Variants in RALGDS observed in about 807,000 individuals in gnomAD.
RALGDS encodes ral guanine nucleotide dissociation stimulator.
A neutral mutation model predicts 99.8 loss-of-function variants in RALGDS; 44 were observed. The observed-to-expected ratio is 0.44, with a 90% CI of 0.35 to 0.57. RALGDS has a LOEUF of 0.57. RALGDS is among the 20% of genes least tolerant of loss of function. RALGDS has a pLI of 0.01. For missense variants in RALGDS, 1,022 were observed against 1,203.1 expected (o/e 0.85, Z 2.23); for synonymous variants, 529 against 505.0 (o/e 1.05, Z -0.64).
chr9:133,109,945 T>G (rs1270938777), intron 3 of RALGDS, among the ~76,000 whole-genome samples: 2 of 152,174 alleles, frequency 1.3e-5, no homozygotes, highest in African/African-American at 4.8e-5. Flanking sequence ...AGCCCCCAGA[T>G]AGAATCCGGA....
chr9:133,139,242 T>C (rs1832478162), intron 1 of RALGDS, among the ~76,000 whole-genome samples: 1 of 152,190 alleles, frequency 6.6e-6, no homozygotes, highest in African/African-American at 2.4e-5. Context: ...AGGCCCTGGA[T>C]ACACACCCTG....
chr9:133,109,766 C>T (rs373748032), intron 3 of RALGDS, 45 bp from the exon 4 acceptor site: 137 of 1,546,804 alleles, frequency 8.9e-5, no homozygotes, highest in African/African-American at 1.4e-4. Context: ...CCGACTAGAA[C>T]GGAGGCCCAG....
At position 133,117,467 on chromosome 9, in the gene RALGDS, C is replaced by T. The variant is rs372732211; in HGVS notation, c.183+3505G>A. Among the ~76,000 whole-genome samples the T allele has an allele frequency of 4.8e-4, 73 of 152,366 alleles. No individual in the cohort carries two copies. The South Asian group carries it at 0.013, about 28-fold the overall frequency. On this transcript the variant is annotated intron_variant, in intron 1 of 17. Transcript: ENST00000372050. Reference sequence around the variant, plus strand: ...ATGCAAGCTTCCCCATGGAGGAAAACGCCAAAACCCTCCAACGCAGGTGTC... The same window carrying T: ...ATGCAAGCTTCCCCATGGAGGAAAATGCCAAAACCCTCCAACGCAGGTGTC...
chr9:133,119,586 G>A (rs866439390), intron 1 of RALGDS, among the ~76,000 whole-genome samples: 1 of 152,078 alleles, frequency 6.6e-6, no homozygotes, highest in African/African-American at 2.4e-5. Context: ...CACTGTGAGC[G>A]CTCCGCCGGA....
chr9:133,098,134 A>C lies in RALGDS; in HGVS notation c.*453T>G, dbSNP rs1374421155. ...TTTGGTGCAGCCTGAGAAAGGCTAG[A>C]GTGGTGGGAGGGGCCGGGACCCCTG... On this transcript the variant is annotated 3_prime_UTR_variant, in exon 18 of 18. Coordinates refer to ENST00000372050, the MANE Select transcript of RALGDS (RefSeq NM_006266.4). The C allele has an allele frequency of 2.8e-5, 8 of 288,600 alleles. No individual in the cohort carries two copies. The highest frequency in any genetic ancestry group is 5.3e-5 in the Non-Finnish European group (8 of 150,448). 17.9% of individuals were successfully genotyped at this position (288,600 alleles called of 1,614,324 possible). A position where few individuals can be genotyped will look rare whatever the true frequency, so the allele number is the denominator to read the frequency against.
upstream of RALGDS, among the ~76,000 whole-genome samples, chr9:133,131,760 T>C (rs980817454): frequency 1.3e-5 from 2 of 152,086 alleles, no homozygotes; most frequent in African/African-American, 4.8e-5. Context: ...AGGCTGTGAA[T>C]TGGTCAGCCC....
intron 4 of RALGDS, among the ~76,000 whole-genome samples, 155 bp downstream of exon 4, chr9:133,109,471 C>T (rs997784306): frequency 1.3e-5 from 2 of 152,196 alleles, no homozygotes; most frequent in Non-Finnish European, 2.9e-5. Context: ...TTCCTGCAGG[C>T]GAAGCCCCCA....
At chr9:133,106,043 G>C (rs1564232552) in intron 8 of RALGDS, 27 bp from the exon 9 acceptor site, 1 of 1,574,848 alleles carries the variant, frequency 6.3e-7, no homozygotes, top group Non-Finnish European at 8.7e-7. Flanking sequence ...GAAGGAAAGA[G>C]AAAGCTGGGA....
upstream of RALGDS, among the ~76,000 whole-genome samples, chr9:133,131,588 T>G (rs1832335225): frequency 6.6e-6 from 1 of 151,850 alleles, no homozygotes; most frequent in African/African-American, 2.4e-5. Flanking sequence ...AGCAACACCA[T>G]CCCTGCCCCA....
chr9:133,123,951 C>T (rs1832051490), upstream of RALGDS, among the ~76,000 whole-genome samples: 2 of 85,560 alleles, frequency 2.3e-5, 1 homozygote, highest in South Asian at 5.9e-4. Context: ...CACAGAGATG[C>T]ACACACAGAG....
intron 5 of RALGDS, 81 bp downstream of exon 5, chr9:133,108,592 G>T: frequency 6.4e-7 from 1 of 1,552,992 alleles, no homozygotes; most frequent in South Asian, 1.1e-5. Context: ...CCCAGCACCA[G>T]ACCCTGGAGC....
intron 1 of RALGDS, among the ~76,000 whole-genome samples, chr9:133,145,860 G>A (rs28754651): frequency 0.012 from 1,792 of 152,350 alleles, 33 homozygotes; most frequent in African/African-American, 0.041. Context: ...CTGCCTCACA[G>A]ACTTAGAGAT....
chr9:133,103,156 G>A, intron 12 of RALGDS, 74 bp downstream of exon 12: 1 of 1,563,930 alleles, frequency 6.4e-7, no homozygotes, highest in Non-Finnish European at 8.8e-7. Context: ...GGAGAGGGTA[G>A]GAGTTGAAAT....
At chr9:133,129,462 C>G in intron 1 of RALGDS, 2 of 1,381,798 alleles carry the variant, frequency 1.4e-6, no homozygotes, top group Non-Finnish European at 1.9e-6. Context: ...GCTGCTGTGA[C>G]AGGCAGGACC....
chr9:133,101,878 A>C, intron 15 of RALGDS, 60 bp downstream of exon 15: 6 of 1,551,150 alleles, frequency 3.9e-6, no homozygotes, highest in Non-Finnish European at 5.2e-6. Context: ...TCCTGGCCCC[A>C]TGCATGGATT....
chr9:133,098,574 T>C lies in RALGDS; in HGVS notation c.*13A>G. The C allele has an allele frequency of 6.2e-7, 1 of 1,613,716 alleles. No homozygotes were observed. Among genetic ancestry groups the C allele is most frequent in the Non-Finnish European group, 8.5e-7 (1 of 1,179,934 alleles). ...GCTTGGCTACCAGCCAGCCAGACCC[T>C]GGGAGGATGCCCTCAGAAGATGCCC... On this transcript the variant is annotated 3_prime_UTR_variant, in exon 18 of 18. Coordinates refer to ENST00000372050, the MANE Select transcript of RALGDS (RefSeq NM_006266.4).
intron 6 of RALGDS, among the ~76,000 whole-genome samples, 194 bp downstream of exon 6, chr9:133,107,794 G>A (rs1487421722): frequency 2.0e-5 from 3 of 152,242 alleles, no homozygotes; most frequent in Non-Finnish European, 4.4e-5. Flanking sequence ...TGGAGGATAG[G>A]GGTGACCTCA....
chr9:133,138,916 G>A (rs1021640335), intron 1 of RALGDS, among the ~76,000 whole-genome samples: 4 of 152,262 alleles, frequency 2.6e-5, no homozygotes, highest in Admixed American at 6.5e-5. Flanking sequence ...GTACAGGCAT[G>A]AGCCACCGCA....
intron 1 of RALGDS, chr9:133,129,231 CCA>C (rs1202025801): frequency 6.3e-7 from 1 of 1,597,206 alleles, no homozygotes; most frequent in Admixed American, 1.7e-5. Flanking sequence ...CTGGCGGTCA[CCA>C]CAGAGACACA....
Sources: gnomAD v4.1 joint callset for allele counts (sites outside exome capture counted in the v4.1 genomes callset) on GRCh38, gnomAD v4.1.1 for gene constraint, MANE v1.5 for transcripts, NCBI Gene and HGNC (gene_info 2026-07-23, HGNC 2026-07-21) for gene names.